The following MYO3A variants were observed in gnomAD, a reference collection of about 807,000 sequenced individuals.
MYO3A encodes the protein myosin-IIIa.
In MYO3A, 180 loss-of-function variants were observed where a neutral mutation model predicts 192.7. That is an observed-to-expected ratio of 0.93 (90% CI 0.83 to 1.06). The LOEUF (loss-of-function observed/expected upper bound fraction) is 1.06. MYO3A is among the 50% of genes least tolerant of loss of function. MYO3A has a pLI of 0.00. For synonymous variants in MYO3A, 628 were observed against 645.3 expected, an observed-to-expected ratio of 0.97 and a Z score of 0.41; for missense variants, 1,896 against 1,905.0, an observed-to-expected ratio of 1.00 and a Z score of 0.09.
intron 2 of MYO3A, among the ~76,000 whole-genome samples, chr10:25,948,362 T>C (rs1564395661): frequency 6.6e-6 from 1 of 152,180 alleles, no homozygotes; most frequent in Non-Finnish European, 1.5e-5. Flanking sequence ...ATCCAAAAGC[T>C]CAATATATAA....
chr10:26,149,304 G>A (rs990677875), intron 23 of MYO3A, among the ~76,000 whole-genome samples: 4 of 151,618 alleles, frequency 2.6e-5, no homozygotes, highest in Non-Finnish European at 4.4e-5. Context: ...GCACAATTTC[G>A]GCTCACTGCA....
At chr10:26,076,847 G>A (rs1398341030) in intron 14 of MYO3A, among the ~76,000 whole-genome samples, 2 of 152,038 alleles carry the variant, frequency 1.3e-5, no homozygotes, top group East Asian at 3.8e-4. Flanking sequence ...TTGTTCCATT[G>A]GTCTATGTGT....
At chr10:25,971,367 A>G (rs1838631149) in intron 4 of MYO3A, among the ~76,000 whole-genome samples, 1 of 152,234 alleles carries the variant, frequency 6.6e-6, no homozygotes, top group African/African-American at 2.4e-5. Context: ...AAATAAGTTA[A>G]GAGAAAAAGG....
chr10:26,004,431 C>A (rs1841049638), intron 6 of MYO3A, among the ~76,000 whole-genome samples: 1 of 151,176 alleles, frequency 6.6e-6, no homozygotes, highest in African/African-American at 2.4e-5. Flanking sequence ...TATTTAATAT[C>A]TGTTTATATT....
At chr10:25,984,758 A>G (rs562351256) in intron 4 of MYO3A, among the ~76,000 whole-genome samples, 1 of 152,228 alleles carries the variant, frequency 6.6e-6, no homozygotes, top group Non-Finnish European at 1.5e-5. Context: ...AACCCTCAAA[A>G]TCATGCAAAT....
chr10:25,971,302 T>C (rs1838624948), intron 4 of MYO3A, among the ~76,000 whole-genome samples: 2 of 152,226 alleles, frequency 1.3e-5, no homozygotes, highest in Non-Finnish European at 2.9e-5. Flanking sequence ...CATTTCTATA[T>C]ATTGTAGGCC....
chr10:26,095,834 G>GTT (rs2131555266), intron 15 of MYO3A, among the ~76,000 whole-genome samples: 1 of 152,294 alleles, frequency 6.6e-6, no homozygotes, highest in East Asian at 1.9e-4. Flanking sequence ...ATATTAAAAG[G>GTT]TGGTTAAAGG....
chr10:26,123,315 A>G (rs1022277255), intron 18 of MYO3A, among the ~76,000 whole-genome samples: 2 of 152,326 alleles, frequency 1.3e-5, no homozygotes, highest in African/African-American at 2.4e-5. Context: ...TGCAACATAT[A>G]TATCAAAGCA....
chr10:25,978,390 C>T (rs540831117), intron 4 of MYO3A, among the ~76,000 whole-genome samples: 1 of 152,288 alleles, frequency 6.6e-6, no homozygotes, highest in Middle Eastern at 3.4e-3. Context: ...TCACATCTCA[C>T]GTGGATGGCA....
chr10:26,016,808 C>T lies in MYO3A; in HGVS notation c.509-12C>T, dbSNP rs923963619. ...ATTAATGCAAAAAAGTACATCTTGT[C>T]TCTTCCTCTAGGTGTGTCTGCACAG... On this transcript the variant is annotated splice_polypyrimidine_tract_variant and intron_variant, in intron 6 of 34. Coordinates refer to ENST00000642920, the MANE Select transcript of MYO3A (RefSeq NM_017433.5). 5 of 1,613,572 alleles carry T rather than the reference C, an allele frequency of 3.1e-6. No individual in the cohort carries two copies. The African/African-American group carries it at 4.0e-5, about 13-fold the overall frequency.
intron 4 of MYO3A, among the ~76,000 whole-genome samples, chr10:25,993,785 A>T (rs1840224773): frequency 6.6e-6 from 1 of 152,120 alleles, no homozygotes; most frequent in Non-Finnish European, 1.5e-5. Flanking sequence ...GTTGTCATTC[A>T]GGAGCATATT....
intron 14 of MYO3A, among the ~76,000 whole-genome samples, chr10:26,075,250 G>A (rs969744827): frequency 1.3e-5 from 2 of 151,070 alleles, no homozygotes; most frequent in African/African-American, 4.9e-5. Context: ...CAAATTTTTG[G>A]ATTTTTTCTT....
intron 10 of MYO3A, among the ~76,000 whole-genome samples, chr10:26,028,020 A>AT (rs1217190175): frequency 6.6e-6 from 1 of 152,164 alleles, no homozygotes; most frequent in African/African-American, 2.4e-5. Context: ...ACATATCACT[A>AT]TTTAGGGAGT....
chr10:26,144,583 C>G (rs528118487), intron 21 of MYO3A, among the ~76,000 whole-genome samples: 3 of 152,212 alleles, frequency 2.0e-5, no homozygotes, highest in African/African-American at 4.8e-5. Context: ...AGAAATTCAG[C>G]TGCCTTTAAG....
chr10:26,129,427 G>C (rs138142564), intron 20 of MYO3A, among the ~76,000 whole-genome samples: 1 of 151,828 alleles, frequency 6.6e-6, no homozygotes. Context: ...TCCTCTTCTT[G>C]TCTCCTCTGC....
intron 4 of MYO3A, among the ~76,000 whole-genome samples, chr10:25,985,926 T>C (rs1839624387): frequency 6.6e-6 from 1 of 152,064 alleles, no homozygotes. Context: ...AAACTGCATA[T>C]CCCTGATGCA....
Position 26,165,110 on chromosome 10 carries a change from TG to T in MYO3A, c.3000-956del, listed in dbSNP as rs1841675050. On this transcript the variant is annotated intron_variant, in intron 26 of 34. Transcript: ENST00000642920. Reference sequence around the variant, plus strand: ...GGTGAAACTTAGCAAAGTTGAAATATGTTCATTTTAGAGGTTTTATCTCCGG... The same window carrying T: ...GGTGAAACTTAGCAAAGTTGAAATATTTCATTTTAGAGGTTTTATCTCCGG... Among the ~76,000 whole-genome samples the T allele has an allele frequency of 2.0e-5, 3 of 152,300 alleles. No individual in the cohort carries two copies. The South Asian group carries it at 6.2e-4, about 32-fold the overall frequency.
At chr10:26,009,831 T>G (rs1841507822) in intron 6 of MYO3A, among the ~76,000 whole-genome samples, 1 of 152,334 alleles carries the variant, frequency 6.6e-6, no homozygotes, top group Admixed American at 6.5e-5. Flanking sequence ...GCTCTAAAAT[T>G]TTAATCTCTG....
At chr10:25,986,480 C>G (rs1272910183) in intron 4 of MYO3A, among the ~76,000 whole-genome samples, 3 of 152,146 alleles carry the variant, frequency 2.0e-5, no homozygotes, top group Non-Finnish European at 4.4e-5. Flanking sequence ...CGAAAAGCTC[C>G]TAGAACTGGT....
Sources: allele counts gnomAD v4.1 joint callset (sites outside exome capture counted in the v4.1 genomes callset), GRCh38; gene constraint gnomAD v4.1.1; transcripts MANE v1.5; gene names NCBI Gene and HGNC (gene_info 2026-07-23, HGNC 2026-07-21).